DOCK10: variants seen among roughly 807,000 people sequenced by gnomAD.
The protein encoded by DOCK10 is dedicator of cytokinesis protein 10.
Under a neutral mutation model 280.1 loss-of-function variants are expected in DOCK10, and 145 were observed. The ratio of observed to expected loss-of-function variants is 0.52; its 90% CI spans 0.45 to 0.59. The LOEUF (loss-of-function observed/expected upper bound fraction) is 0.59. Among genes scored for constraint, DOCK10 ranks in the 20% least tolerant of loss-of-function variants. The pLI is 0.00. For synonymous variants in DOCK10, 915 were observed against 942.2 expected (o/e 0.97, Z 0.53); for missense variants, 2,368 against 2,651.7 (o/e 0.89, Z 2.35).
chr2:224,843,244 T>C (rs1219654516), intron 22 of DOCK10, among the ~76,000 whole-genome samples: 2 of 152,066 alleles, frequency 1.3e-5, no homozygotes, highest in Non-Finnish European at 2.9e-5. Context: ...AGGTGGATAT[T>C]GTTTGGCTGG....
intron 1 of DOCK10, among the ~76,000 whole-genome samples, chr2:224,968,169 GTA>G (rs1704882592): frequency 6.6e-6 from 1 of 152,250 alleles, no homozygotes; most frequent in Non-Finnish European, 1.5e-5. Context: ...GAGAAATCAA[GTA>G]TGTGTGAAAC....
Position 225,015,376 on chromosome 2 carries a change from C to G in DOCK10, c.123+26876G>C, listed in dbSNP as rs143347209. Among the ~76,000 whole-genome samples, 770 of 152,242 alleles carry G rather than the reference C, an allele frequency of 5.1e-3. 2 individuals are homozygous for G. The highest frequency in any genetic ancestry group is 6.0e-3 in the Non-Finnish European group (405 of 68,018). On this transcript the variant is annotated intron_variant, in intron 1 of 55. Transcript: ENST00000258390. ...GGATTTTACCATGCTTTTAAAGAAGCCTTTTCCAGATTGCTTTATTATTTC... is the reference window on the plus strand; with the variant it reads ...GGATTTTACCATGCTTTTAAAGAAGGCTTTTCCAGATTGCTTTATTATTTC...
intron 31 of DOCK10, among the ~76,000 whole-genome samples, chr2:224,813,545 C>A (rs1443690790): frequency 6.6e-6 from 1 of 152,152 alleles, no homozygotes; most frequent in African/African-American, 2.4e-5. Context: ...AGTACTAGCA[C>A]CCGTGTATAC....
At chr2:224,962,802 G>C (rs1704524799) in intron 1 of DOCK10, among the ~76,000 whole-genome samples, 1 of 152,130 alleles carries the variant, frequency 6.6e-6, no homozygotes, top group African/African-American at 2.4e-5. Flanking sequence ...AGACATTATA[G>C]TTCTCACTGG....
chr2:224,921,159 G>T (rs192945488), intron 2 of DOCK10, among the ~76,000 whole-genome samples: 1 of 123,638 alleles, frequency 8.1e-6, no homozygotes, highest in African/African-American at 3.6e-5. Flanking sequence ...AAAAATAGCC[G>T]GGCATGGTGG....
intron 1 of DOCK10, among the ~76,000 whole-genome samples, chr2:224,979,503 C>A (rs1705633070): frequency 6.6e-6 from 1 of 152,242 alleles, no homozygotes; most frequent in Middle Eastern, 3.2e-3. Context: ...TGATCTGACC[C>A]CATTGCCTCC....
At chr2:225,013,593 C>T (rs1689504872) in intron 1 of DOCK10, among the ~76,000 whole-genome samples, 1 of 152,116 alleles carries the variant, frequency 6.6e-6, no homozygotes, top group Non-Finnish European at 1.5e-5. Context: ...GTTAATCAAC[C>T]AACCAACCTA....
rs76850395 is a variant in DOCK10, at chr2:224,834,352, A to C, written c.2851-89T>G. On this transcript the variant is annotated intron_variant, in intron 25 of 55. Transcript: ENST00000258390. Reference sequence around the variant, plus strand: ...GTCATGTGAATAACTTATGTCTCTAAATTATCTGCTCATGCCAGATTTTGC... The same window carrying C: ...GTCATGTGAATAACTTATGTCTCTACATTATCTGCTCATGCCAGATTTTGC... 3.0e-3 allele frequency: 2,405 copies of C among 790,634 alleles called. 39 individuals are homozygous for C. The African/African-American group carries it at 0.036, about 12-fold the overall frequency. The allele number at this position is 790,634 out of a possible 1,614,324, so 49.0% of individuals were successfully genotyped here. A position where few individuals can be genotyped will look rare whatever the true frequency, so the allele number is the denominator to read the frequency against.
rs779262042 is a variant in DOCK10 at position 224,854,980 on chromosome 2, A to T, written c.1871T>A (p.Val624Asp). 8 of 1,599,400 alleles carry T rather than the reference A, an allele frequency of 5.0e-6. No individual in the cohort carries two copies. Among genetic ancestry groups the T allele is most frequent in the Non-Finnish European group, 6.8e-6 (8 of 1,171,574 alleles). The change falls in exon 16 of 56, where the codon GTT becomes GAT. Residue 624 changes from valine (V) to aspartate (D), a missense_variant. Around this residue, in one of 2 missense-constraint regions of DOCK10, gnomAD observed 1,209 missense variants for 1,250.9 expected, o/e 0.97. Transcript: ENST00000258390. Reference sequence around the variant, plus strand: ...CATCATACTTGGATGCTCCAAGGGAACGTTGTCAACAGCAATATCCAGGCT... The same window carrying T: ...CATCATACTTGGATGCTCCAAGGGATCGTTGTCAACAGCAATATCCAGGCT... ...PGSLDIAVDN[V>D]PLEHPNCVTS...
intron 1 of DOCK10, among the ~76,000 whole-genome samples, chr2:224,945,678 C>CATATAT (rs146310112): frequency 1.9e-4 from 29 of 150,078 alleles, no homozygotes; most frequent in African/African-American, 7.1e-4. Context: ...CATGTGTGTG[C>CATATAT]ATATATATAT....
chr2:224,998,395 ATTC>A (rs1706332481), intron 1 of DOCK10, among the ~76,000 whole-genome samples: 1 of 152,030 alleles, frequency 6.6e-6, no homozygotes, highest in Admixed American at 6.6e-5. Flanking sequence ...TATTATTTGT[ATTC>A]TTCTTGCTCT....
chr2:224,998,397 T>A (rs995662197), intron 1 of DOCK10, among the ~76,000 whole-genome samples: 1 of 152,122 alleles, frequency 6.6e-6, no homozygotes, highest in African/African-American at 2.4e-5. Context: ...TTATTTGTAT[T>A]CTTCTTGCTC....
intron 51 of DOCK10, among the ~76,000 whole-genome samples, chr2:224,776,439 C>T (rs561323396): frequency 7.9e-5 from 12 of 152,204 alleles, no homozygotes; most frequent in African/African-American, 1.7e-4. Context: ...CATCCCCCCA[C>T]GCTGCCCCAG....
intron 3 of DOCK10, among the ~76,000 whole-genome samples, chr2:224,898,854 C>T (rs1164155721): frequency 4.6e-5 from 7 of 152,206 alleles, no homozygotes; most frequent in Non-Finnish European, 7.3e-5. Flanking sequence ...GAATTACAGG[C>T]GTGAGCCACC....
intron 1 of DOCK10, among the ~76,000 whole-genome samples, chr2:225,040,998 A>G (rs563842106): frequency 6.6e-5 from 10 of 152,250 alleles, no homozygotes; most frequent in African/African-American, 2.4e-4. Flanking sequence ...GTGTAAGTGC[A>G]AGAGAAGGCA....
At chr2:224,840,329 T>C (rs1005744433) in intron 23 of DOCK10, 2 of 271,092 alleles carry the variant, frequency 7.4e-6, no homozygotes, top group Non-Finnish European at 1.4e-5. Context: ...CTTTACTCCA[T>C]TGAATGGAGG....
chr2:224,867,765 A>G (rs1698025784), intron 11 of DOCK10, among the ~76,000 whole-genome samples: 1 of 152,218 alleles, frequency 6.6e-6, no homozygotes, highest in Non-Finnish European at 1.5e-5. Context: ...AGAAACATTA[A>G]GGAAGTATGA....
At chr2:224,778,676 T>G (rs1039383087) in intron 50 of DOCK10, among the ~76,000 whole-genome samples, 1 of 152,302 alleles carries the variant, frequency 6.6e-6, no homozygotes, top group Admixed American at 6.5e-5. Context: ...TCAGTATCAT[T>G]TTTAATAAGA....
At chr2:224,891,937 C>T (rs967282904) in intron 4 of DOCK10, among the ~76,000 whole-genome samples, 12 of 152,180 alleles carry the variant, frequency 7.9e-5, no homozygotes, top group Non-Finnish European at 1.5e-4. Flanking sequence ...TGCCATTCAA[C>T]ATTCCAGTTT....
Sources: gnomAD v4.1 joint callset for allele counts (sites outside exome capture counted in the v4.1 genomes callset) on GRCh38, gnomAD v4.1.1 for gene constraint, gnomAD v4.1.1 regional missense constraint, MANE v1.5 for transcripts, NCBI Gene and HGNC (gene_info 2026-07-23, HGNC 2026-07-21) for gene names.